The following ARK2C variants were observed in gnomAD, a reference collection of about 807,000 sequenced individuals.
The protein encoded by ARK2C is E3 ubiquitin-protein ligase ARK2C.
At chr18:46,397,350 A>G in the ARK2C span, among the ~76,000 whole-genome samples, 1 of 152,000 alleles carries the variant, frequency 6.6e-6, no homozygotes, top group Non-Finnish European at 1.5e-5. Context: ...TATATCAGTC[A>G]CTAGGAACAG....
chr18:46,423,042 G>T, the ARK2C span, among the ~76,000 whole-genome samples: 1 of 152,184 alleles, frequency 6.6e-6, no homozygotes, highest in Non-Finnish European at 1.5e-5. Flanking sequence ...TCAGAGTCCA[G>T]TTTATCAATG....
the ARK2C span, among the ~76,000 whole-genome samples, chr18:46,443,818 T>C: frequency 1.3e-5 from 2 of 152,206 alleles, no homozygotes; most frequent in African/African-American, 2.4e-5. Context: ...TTTTTATATG[T>C]CCCACATGAT....
chr18:46,349,787 A>G, the ARK2C span, among the ~76,000 whole-genome samples: 1 of 152,092 alleles, frequency 6.6e-6, no homozygotes, highest in Admixed American at 6.5e-5. Flanking sequence ...CTTGCCCAGT[A>G]ACCCACAGCT....
the ARK2C span, among the ~76,000 whole-genome samples, chr18:46,375,369 A>G: frequency 6.6e-6 from 1 of 152,040 alleles, no homozygotes; most frequent in Non-Finnish European, 1.5e-5. Context: ...TCTGGGCAAC[A>G]TGGGCAAAAC....
the ARK2C span, among the ~76,000 whole-genome samples, chr18:46,354,301 C>T: frequency 6.6e-6 from 1 of 152,184 alleles, no homozygotes; most frequent in African/African-American, 2.4e-5. Flanking sequence ...CTCAGCTCTA[C>T]AAGTGTGGGC....
chr18:46,426,394 C>T, the ARK2C span, among the ~76,000 whole-genome samples: 1 of 152,174 alleles, frequency 6.6e-6, no homozygotes. Context: ...CCTATGGGTT[C>T]TTCTGTCCTC....
the ARK2C span, among the ~76,000 whole-genome samples, chr18:46,348,054 G>A: frequency 1.3e-5 from 2 of 152,284 alleles, no homozygotes; most frequent in East Asian, 3.9e-4. Context: ...TGAACCTCGT[G>A]GGAAACAGAC....
At chr18:46,384,481 C>T in the ARK2C span, among the ~76,000 whole-genome samples, 1 of 152,200 alleles carries the variant, frequency 6.6e-6, no homozygotes, top group African/African-American at 2.4e-5. Context: ...TTTCTTTCCT[C>T]CCCTGAATCC....
the ARK2C span, among the ~76,000 whole-genome samples, chr18:46,431,179 T>A: frequency 6.6e-6 from 1 of 152,212 alleles, no homozygotes; most frequent in Non-Finnish European, 1.5e-5. Context: ...TTGCTGAGAA[T>A]GATGGTTTCC....
the ARK2C span, among the ~76,000 whole-genome samples, chr18:46,437,002 G>A: frequency 6.6e-6 from 1 of 152,206 alleles, no homozygotes; most frequent in African/African-American, 2.4e-5. Context: ...AGGAGGAGCA[G>A]CACAGGTGCT....
the ARK2C span, chr18:46,336,603 C>T: frequency 1.0e-6 from 1 of 985,358 alleles, no homozygotes; most frequent in Non-Finnish European, 1.2e-6. Context: ...AGAGAGTTTG[C>T]CAGCTTAAAT....
At chr18:46,450,240 G>A in the ARK2C span, 1 of 1,121,136 alleles carries the variant, frequency 8.9e-7, no homozygotes, top group Non-Finnish European at 1.4e-6. Flanking sequence ...TTGCATGCTG[G>A]GCTCATGGAG....
chr18:46,384,418 C>T, the ARK2C span, among the ~76,000 whole-genome samples: 1 of 152,102 alleles, frequency 6.6e-6, no homozygotes, highest in African/African-American at 2.4e-5. Context: ...AGAGATCTGC[C>T]CCTAGCTGGG....
the ARK2C span, among the ~76,000 whole-genome samples, chr18:46,408,611 G>C: frequency 6.6e-6 from 1 of 152,204 alleles, no homozygotes. Context: ...CATCCTAAAG[G>C]GGGCACTGTA....
At chr18:46,437,098 T>A in the ARK2C span, among the ~76,000 whole-genome samples, 1 of 147,236 alleles carries the variant, frequency 6.8e-6, no homozygotes, top group Admixed American at 6.8e-5. Flanking sequence ...GACCACTACC[T>A]GCCCCAAGAA....
At chr18:46,404,344 G>T in the ARK2C span, among the ~76,000 whole-genome samples, 4 of 152,156 alleles carry the variant, frequency 2.6e-5, no homozygotes, top group African/African-American at 9.7e-5. Context: ...GATGGATGTG[G>T]GTCAAGGATA....
the ARK2C span, among the ~76,000 whole-genome samples, chr18:46,390,771 C>T: frequency 6.6e-6 from 1 of 152,088 alleles, no homozygotes; most frequent in Non-Finnish European, 1.5e-5. Context: ...GTTCCAGTTG[C>T]ACCACTTCTG....
the ARK2C span, among the ~76,000 whole-genome samples, chr18:46,354,594 T>C: frequency 6.6e-6 from 1 of 152,336 alleles, no homozygotes; most frequent in African/African-American, 2.4e-5. Flanking sequence ...TCTCTAGAGT[T>C]TTCAAAGACT....
chr18:46,348,236 G>C, the ARK2C span, among the ~76,000 whole-genome samples: 1 of 151,280 alleles, frequency 6.6e-6, no homozygotes, highest in Non-Finnish European at 1.5e-5. Flanking sequence ...GGCTGGGGGG[G>C]GTGAGGGGAG....
Sources: allele counts gnomAD v4.1 joint callset (sites outside exome capture counted in the v4.1 genomes callset), GRCh38; gene constraint gnomAD v4.1.1; transcripts MANE v1.5; gene names NCBI Gene and HGNC (gene_info 2026-07-23, HGNC 2026-07-21).